The following UBXN7 variants were observed in gnomAD, a reference collection of about 807,000 sequenced individuals.
UBXN7 encodes the protein UBX domain-containing protein 7.
A neutral mutation model predicts 58.0 loss-of-function variants in UBXN7; 9 were observed. That is an observed-to-expected ratio of 0.16 (90% CI 0.09 to 0.27). The LOEUF is 0.27. Among genes scored for constraint, UBXN7 ranks in the 10% least tolerant of loss-of-function variants. UBXN7 has a pLI of 1.00. For synonymous variants in UBXN7, 208 were observed against 205.0 expected, an observed-to-expected ratio of 1.01 and a Z score of -0.12; for missense variants, 328 against 599.6, an observed-to-expected ratio of 0.55 and a Z score of 4.73.
chr3:196,381,473 C>A (rs1729203181), intron 5 of UBXN7, among the ~76,000 whole-genome samples: 1 of 152,164 alleles, frequency 6.6e-6, no homozygotes, highest in African/African-American at 2.4e-5. Context: ...CACCAAAATC[C>A]CATCTGTAGG....
chr3:196,386,564 C>A (rs141823355), intron 5 of UBXN7, among the ~76,000 whole-genome samples: 81 of 152,154 alleles, frequency 5.3e-4, no homozygotes, highest in African/African-American at 1.9e-3. Context: ...CATTCCTATA[C>A]ACCATTAACA....
chr3:196,356,603 G>C lies in UBXN7; in HGVS notation c.*82C>G, dbSNP rs1349868684. On this transcript the variant is annotated 3_prime_UTR_variant, in exon 11 of 11. Coordinates refer to ENST00000296328, the MANE Select transcript of UBXN7 (RefSeq NM_015562.2). ...CCCAACTTTGGCTCTGTGGTCCTAT[G>C]AGCCAAAATGCATACTTAGTGACAT... The C allele has an allele frequency of 1.3e-6, 2 of 1,499,014 alleles. No homozygotes were observed. Among genetic ancestry groups the C allele is most frequent in the Non-Finnish European group, 8.9e-7 (1 of 1,126,486 alleles). 92.9% of individuals were successfully genotyped at this position (1,499,014 alleles called of 1,614,324 possible).
At chr3:196,357,753 G>A (rs1728390352) in intron 10 of UBXN7, among the ~76,000 whole-genome samples, 1 of 152,160 alleles carries the variant, frequency 6.6e-6, no homozygotes, top group African/African-American at 2.4e-5. Context: ...CCAACTACTT[G>A]GGAGGCTGAG....
At chr3:196,389,608 G>A (rs1406968619) in intron 5 of UBXN7, among the ~76,000 whole-genome samples, 3 of 152,290 alleles carry the variant, frequency 2.0e-5, no homozygotes, top group South Asian at 2.1e-4. Context: ...CTTGCTCCTC[G>A]CACCATGTGC....
chr3:196,362,728 T>A, intron 8 of UBXN7, 41 bp from the exon 9 acceptor site: 1 of 1,553,492 alleles, frequency 6.4e-7, no homozygotes, highest in Non-Finnish European at 8.7e-7. Flanking sequence ...AAGAACAAGT[T>A]AAACCAAAAA....
At chr3:196,431,832 G>A in intron 1 of UBXN7, 1 of 398,810 alleles carries the variant, frequency 2.5e-6, no homozygotes, top group South Asian at 1.7e-5. Flanking sequence ...GGGCCACGGC[G>A]ATGGCTCCGA....
At chr3:196,376,667 A>ATTAACAAAATATTC (rs772832327) in intron 5 of UBXN7, among the ~76,000 whole-genome samples, 174 of 152,234 alleles carry the variant, frequency 1.1e-3, no homozygotes, top group Non-Finnish European at 1.9e-3. Flanking sequence ...TACTTATGAA[A>ATTAACAAAATATTC]TTAACAAAAT....
intron 1 of UBXN7, chr3:196,416,347 C>G (rs1730486738): frequency 6.6e-6 from 1 of 152,250 alleles, no homozygotes; most frequent in Admixed American, 6.5e-5. Context: ...GGGAGAATTA[C>G]TTGAACCCAG....
intron 4 of UBXN7, among the ~76,000 whole-genome samples, chr3:196,392,349 A>G (rs1451247168): frequency 6.7e-6 from 1 of 148,598 alleles, no homozygotes; most frequent in African/African-American, 2.5e-5. Flanking sequence ...TAAAAATACA[A>G]AAAAAAAAAG....
intron 5 of UBXN7, among the ~76,000 whole-genome samples, chr3:196,383,071 G>A (rs566722923): frequency 7.2e-4 from 107 of 149,070 alleles, no homozygotes; most frequent in Admixed American, 1.4e-3. Flanking sequence ...AGCCCAGATC[G>A]CACCACTGCA....
Position 196,362,505 on chromosome 3 carries a change from T to C in UBXN7, c.1017A>G (p.Glu339=), listed in dbSNP as rs777580543. 3 of 1,614,196 alleles carry C rather than the reference T, an allele frequency of 1.9e-6. No homozygotes were observed. Among genetic ancestry groups the C allele is most frequent in the Non-Finnish European group, 1.7e-6 (2 of 1,180,028 alleles). ...TGGACTTGGCAAGATTCTCTACCTC[T>C]TCTTCTTCATCAGAGCCACAAACGG... The part of the protein sequence containing the change: ...FISVCGSDEE[E]EVENLAKSRK... Residue 339 remains glutamate, a synonymous_variant, in exon 9 of 11, where the codon GAA becomes GAG. Coordinates refer to ENST00000296328, the MANE Select transcript of UBXN7 (RefSeq NM_015562.2).
intron 8 of UBXN7, among the ~76,000 whole-genome samples, chr3:196,362,901 T>C (rs1473361563): frequency 1.3e-5 from 2 of 151,694 alleles, no homozygotes; most frequent in Admixed American, 1.3e-4. Flanking sequence ...GTTTTTGTTG[T>C]TTTGTTTTGT....
At chr3:196,399,243 T>C (rs186324002) in intron 3 of UBXN7, among the ~76,000 whole-genome samples, 120 of 152,346 alleles carry the variant, frequency 7.9e-4, no homozygotes, top group African/African-American at 2.8e-3. Flanking sequence ...CAGGATTTAA[T>C]GAAATTAATC....
intron 8 of UBXN7, among the ~76,000 whole-genome samples, chr3:196,366,949 G>A (rs182568037): frequency 1.1e-4 from 16 of 152,260 alleles, no homozygotes; most frequent in East Asian, 1.9e-4. Context: ...TTGGGAGGCC[G>A]AGAAGGGCGG....
At chr3:196,372,913 T>C (rs1298285081) in intron 5 of UBXN7, among the ~76,000 whole-genome samples, 1 of 151,878 alleles carries the variant, frequency 6.6e-6, no homozygotes, top group Non-Finnish European at 1.5e-5. Context: ...GCCTGACTAA[T>C]TTTTTATATA....
At chr3:196,405,083 T>C (rs561441810) in intron 2 of UBXN7, among the ~76,000 whole-genome samples, 2 of 151,520 alleles carry the variant, frequency 1.3e-5, no homozygotes, top group African/African-American at 4.8e-5. Flanking sequence ...GAGGAGGAGG[T>C]TGCAGTGAGT....
intron 3 of UBXN7, among the ~76,000 whole-genome samples, chr3:196,395,645 C>T (rs997134437): frequency 2.0e-5 from 3 of 151,900 alleles, no homozygotes; most frequent in South Asian, 2.1e-4. Context: ...TTTTAAGAGA[C>T]GGGCATGTCA....
chr3:196,412,020 G>T (rs1730343993), intron 1 of UBXN7, among the ~76,000 whole-genome samples: 1 of 151,796 alleles, frequency 6.6e-6, no homozygotes, highest in African/African-American at 2.4e-5. Context: ...TTTGAGCTCA[G>T]GAGTTCGAGA....
chr3:196,402,981 A>G lies in UBXN7; in HGVS notation c.260T>C (p.Ile87Thr). ...AAATAATGGTTCTGGTTCCACCAGT[A>G]TTTCCTGCTTTTGAGGAATTGGGGC... ...VRAPIPQKQEILVEPEPLFGA... is the reference protein window; with the variant it reads ...VRAPIPQKQETLVEPEPLFGA... Residue 87 changes from isoleucine (I) to threonine (T), a missense_variant, in exon 3 of 11, where the codon ATA (isoleucine) becomes ACA (threonine). Ile to Thr is a moderately conservative substitution (Grantham distance 89). Transcript: ENST00000296328. 6.3e-7 allele frequency: 1 copy of G among 1,599,288 alleles called. No individual in the cohort carries two copies. Among genetic ancestry groups the G allele is most frequent in the Non-Finnish European group, 8.5e-7 (1 of 1,177,024 alleles).
Sources: allele counts gnomAD v4.1 joint callset (sites outside exome capture counted in the v4.1 genomes callset), GRCh38; gene constraint gnomAD v4.1.1; transcripts MANE v1.5; gene names NCBI Gene and HGNC (gene_info 2026-07-23, HGNC 2026-07-21).